IGDCC4: variants seen among roughly 807,000 people sequenced by gnomAD.
The protein encoded by IGDCC4 is immunoglobulin superfamily DCC subclass member 4.
IGDCC4 carries 72 observed loss-of-function variants against 116.6 expected under a neutral mutation model. The ratio of observed to expected loss-of-function variants is 0.62; its 90% CI spans 0.51 to 0.75. The LOEUF (loss-of-function observed/expected upper bound fraction) is 0.75, where lower values mean the gene tolerates loss of function less well. Ranked by LOEUF, IGDCC4 falls within the 30% of genes least tolerant of loss-of-function variation. IGDCC4 has a pLI of 0.00. For synonymous variants in IGDCC4, 709 were observed against 719.9 expected (o/e 0.98, Z 0.24); for missense variants, 1,501 against 1,662.4 (o/e 0.90, Z 1.69).
At chr15:65,421,587 G>A (rs931585734) in intron 1 of IGDCC4, among the ~76,000 whole-genome samples, 5 of 152,178 alleles carry the variant, frequency 3.3e-5, no homozygotes, top group African/African-American at 1.2e-4. Flanking sequence ...GGGCTGGCCA[G>A]GCGGAGGCTC....
Position 65,415,843 on chromosome 15 carries a change from T to C in IGDCC4, c.71-4473A>G, listed in dbSNP as rs568626523. On this transcript the variant is annotated intron_variant, in intron 1 of 19. Coordinates refer to ENST00000352385, the MANE Select transcript of IGDCC4 (RefSeq NM_020962.3). ...GCCCTTCTGTGAGGCTGCTCCTACCTTCCCCAGGTAAAGTTTTTCCTAAGT... is the reference window on the plus strand; with the variant it reads ...GCCCTTCTGTGAGGCTGCTCCTACCCTCCCCAGGTAAAGTTTTTCCTAAGT... Among the ~76,000 whole-genome samples, 3 of 152,242 alleles carry C rather than the reference T, an allele frequency of 2.0e-5. No homozygotes were observed. The East Asian group carries it at 5.8e-4, about 29-fold the overall frequency.
Position 65,384,217 on chromosome 15 carries a change from C to G in IGDCC4, c.3545G>C (p.Arg1182Thr). 1 of 1,604,080 alleles carries G rather than the reference C, an allele frequency of 6.2e-7. No individual in the cohort carries two copies. Among genetic ancestry groups the G allele is most frequent in the Non-Finnish European group, 8.5e-7 (1 of 1,172,772 alleles). Residue 1182 changes from arginine to threonine, a missense_variant, in exon 20 of 20, where the codon AGG becomes ACG. Arg to Thr is a moderately conservative substitution (Grantham distance 71). Transcript: ENST00000352385. This position sits in a 1 kb window ranked among gnomAD's most constrained non-coding sequence, Gnocchi z 4.9. ...TGCCAGCTCACACCCTCCCAACTCC[C>G]TGTCCAGCCAGGCTGCCCCCTGCCC... ...DPGQGAAWLDRELGGCELAAP... is the reference protein window; with the variant it reads ...DPGQGAAWLDTELGGCELAAP...
chr15:65,395,885 C>G lies in IGDCC4; in HGVS notation c.1276G>C (p.Glu426Gln), dbSNP rs747101966. The G allele has an allele frequency of 1.9e-6, 3 of 1,588,394 alleles. No homozygotes were observed. In the South Asian group the frequency reaches 3.4e-5, roughly 18 times the overall value. The change falls in exon 7 of 20, where the codon GAG becomes CAG. Residue 426 changes from glutamate to glutamine, a missense_variant. Glu to Gln is a conservative substitution (Grantham distance 29, BLOSUM62 2). Around this residue, in one of 3 missense-constraint regions of IGDCC4, gnomAD observed 898 missense variants for 978.9 expected, o/e 0.92. Coordinates refer to ENST00000352385, the MANE Select transcript of IGDCC4 (RefSeq NM_020962.3). ...AAASLAVVVR[E>Q]GLPSAPTRVT... ...CGCGTGGGGGCGCTGGGCAGCCCCT[C>G]GCGCACCACCACGGCCAGCGACGCG...
chr15:65,389,065 G>C, intron 14 of IGDCC4, 87 bp from the exon 15 acceptor site: 2 of 1,105,204 alleles, frequency 1.8e-6, no homozygotes, highest in Non-Finnish European at 2.5e-6. Context: ...CTCCTTCATG[G>C]AACAAGCCAC....
chr15:65,391,866 C>A lies in IGDCC4; in HGVS notation c.2224+14G>T. 6.2e-7 allele frequency: 1 copy of A among 1,610,580 alleles called. No homozygotes were observed. Among genetic ancestry groups the A allele is most frequent in the Non-Finnish European group, 8.5e-7 (1 of 1,177,990 alleles). ...ACCTGAGCCCTCCCCGCCTTCTTCC[C>A]CCACCGCCCTCACCTGGTGCCGGCG... On this transcript the variant is annotated intron_variant, in intron 12 of 19. Coordinates refer to ENST00000352385, the MANE Select transcript of IGDCC4 (RefSeq NM_020962.3).
rs1283334293 is a variant in IGDCC4, at chr15:65,393,432, G to T, written c.1814C>A (p.Thr605Lys). The T allele has an allele frequency of 6.2e-7, 1 of 1,613,704 alleles. No homozygotes were observed. The highest frequency in any genetic ancestry group is 1.3e-5 in the African/African-American group (1 of 74,914). ...KVYRVRISAGTAAGFGAPSQW... is the reference protein window; with the variant it reads ...KVYRVRISAGKAAGFGAPSQW... ...GGAGGGGGCCCCGAAGCCGGCTGCT[G>T]TACCAGCCGAAATCCGTACTCGATA... Residue 605 changes from threonine (T) to lysine (K), a missense_variant, in exon 10 of 20, where the codon ACA (threonine) becomes AAA (lysine). Physicochemically the swap from Thr to Lys is moderately conservative, Grantham distance 78 (BLOSUM62 -1). This residue lies in a region of IGDCC4 where 898 missense variants were observed against 978.9 expected (regional missense o/e 0.92). Coordinates refer to ENST00000352385, the MANE Select transcript of IGDCC4 (RefSeq NM_020962.3). This position sits in a 1 kb window ranked among gnomAD's most constrained non-coding sequence, Gnocchi z 4.6.
rs750210994 is a variant in IGDCC4, at chr15:65,384,998, C to T, written c.3298G>A (p.Gly1100Arg). ...AGAGCCTGCAGCAACAGCGTCTGCC[C>T]AGTTCCAGCAGGGGGCAGCAGGGCC... is the stretch of plus-strand genomic sequence containing the variant. ...TRALLPPAGTGQTLLLQALVY... is the reference protein window; with the variant it reads ...TRALLPPAGTRQTLLLQALVY... Residue 1100 changes from glycine to arginine, a missense_variant, in exon 19 of 20, where the codon GGG (glycine) becomes AGG (arginine). Transcript: ENST00000352385. The surrounding 1 kb of genome is among the most constrained non-coding windows in gnomAD (Gnocchi z 4.9). 2.8e-5 allele frequency: 45 copies of T among 1,610,948 alleles called. No individual in the cohort carries two copies. Among genetic ancestry groups the T allele is most frequent in the Non-Finnish European group, 3.6e-5 (43 of 1,178,938 alleles).
chr15:65,411,014 A>G lies in IGDCC4; in HGVS notation c.421+6T>C. On this transcript the variant is annotated splice_donor_region_variant and intron_variant, in intron 2 of 19. Coordinates refer to ENST00000352385, the MANE Select transcript of IGDCC4 (RefSeq NM_020962.3). ...CCTCAGACCCCCGCCCGATGCAAGC[A>G]CTTACTGGCAAGCTTGACGACAGCA... The G allele has an allele frequency of 6.2e-7, 1 of 1,601,336 alleles. No homozygotes were observed. Among genetic ancestry groups the G allele is most frequent in the Non-Finnish European group, 8.5e-7 (1 of 1,171,582 alleles).
At chr15:65,391,790 TCA>T in intron 12 of IGDCC4, 88 bp downstream of exon 12, 1 of 1,175,002 alleles carries the variant, frequency 8.5e-7, no homozygotes. Flanking sequence ...AAGTACCTGC[TCA>T]CCAGGCTGGC....
Position 65,388,589 on chromosome 15 carries a change from G to A in IGDCC4, c.2708-3C>T. ...GACCTCAGCACTGAAGATGTTTCCT[G>A]GGGGTGAGGGAGGCAGGGAGAGCAG... On this transcript the variant is annotated splice_region_variant and splice_polypyrimidine_tract_variant and intron_variant, in intron 15 of 19. Coordinates refer to ENST00000352385, the MANE Select transcript of IGDCC4 (RefSeq NM_020962.3). 1 of 1,614,004 alleles carries A rather than the reference G, an allele frequency of 6.2e-7. No individual in the cohort carries two copies.
intron 3 of IGDCC4, 58 bp from the exon 4 acceptor site, chr15:65,402,545 G>A (rs2062998787): frequency 1.3e-6 from 2 of 1,540,854 alleles, no homozygotes; most frequent in Non-Finnish European, 1.8e-6. Context: ...AGGGAGGGTG[G>A]CTCATGGTAA....
intron 18 of IGDCC4, 89 bp from the exon 19 acceptor site, chr15:65,385,204 CG>C: frequency 7.3e-7 from 1 of 1,363,066 alleles, no homozygotes. Context: ...GGATGGGCCG[CG>C]GGGGAGCAGG....
Position 65,395,196 on chromosome 15 carries a change from C to T in IGDCC4, c.1474G>A (p.Asp492Asn), listed in dbSNP as rs994683223. 2 of 1,613,814 alleles carry T rather than the reference C, an allele frequency of 1.2e-6. No individual in the cohort carries two copies. The highest frequency in any genetic ancestry group is 1.7e-6 in the Non-Finnish European group (2 of 1,179,952). Residue 492 changes from aspartate to asparagine, a missense_variant, in exon 8 of 20, where the codon GAC (aspartate) becomes AAC (asparagine). Coordinates refer to ENST00000352385, the MANE Select transcript of IGDCC4 (RefSeq NM_020962.3). ...NNDTTELQVR[D>N]LEPNTDYEFY... is the part of the protein sequence containing the mutation. ...TCATAATCTGTGTTGGGTTCCAGGT[C>T]CCGAACCTGTAGTTCTGTGGTGTCG...
At position 65,384,290 on chromosome 15, in the gene IGDCC4, G is replaced by C; in HGVS notation, c.3472C>G (p.Pro1158Ala). 1 of 1,607,864 alleles carries C rather than the reference G, an allele frequency of 6.2e-7. No homozygotes were observed. Among genetic ancestry groups the C allele is most frequent in the Non-Finnish European group, 8.5e-7 (1 of 1,176,776 alleles). Residue 1158 changes from proline to alanine, a missense_variant, in exon 20 of 20, where the codon CCC (proline) becomes GCC (alanine). Pro to Ala is a conservative substitution (Grantham distance 27, BLOSUM62 -1). Coordinates refer to ENST00000352385, the MANE Select transcript of IGDCC4 (RefSeq NM_020962.3). This position sits in a 1 kb window ranked among gnomAD's most constrained non-coding sequence, Gnocchi z 4.9. ...LHLQDLEPED[P>A]LPPEAPDLIS... ...AGATCAGGAGCCTCTGGAGGCAGGG[G>C]GTCCTCAGGCTCCAGGTCTTGGAGA...
At chr15:65,420,231 G>C (rs2063178233) in intron 1 of IGDCC4, among the ~76,000 whole-genome samples, 2 of 152,208 alleles carry the variant, frequency 1.3e-5, no homozygotes, top group South Asian at 4.1e-4. Flanking sequence ...ACAGGCGTGA[G>C]CCACCGCACC....
At chr15:65,398,457 C>G (rs567686970) in intron 5 of IGDCC4, among the ~76,000 whole-genome samples, 1 of 146,344 alleles carries the variant, frequency 6.8e-6, no homozygotes. Context: ...TCACTTGAAC[C>G]CAGGAGGCGA....
chr15:65,395,071 C>A (rs566557480), intron 8 of IGDCC4, 23 bp downstream of exon 8: 1 of 1,586,124 alleles, frequency 6.3e-7, no homozygotes, highest in Admixed American at 1.7e-5. Context: ...CCAAGCTGCC[C>A]ACTGCGAGTT....
intron 5 of IGDCC4, among the ~76,000 whole-genome samples, chr15:65,397,250 A>G (rs2062937222): frequency 6.6e-6 from 1 of 152,154 alleles, no homozygotes; most frequent in African/African-American, 2.4e-5. Flanking sequence ...TATATTAATC[A>G]TAGGTGCTCA....
intron 1 of IGDCC4, among the ~76,000 whole-genome samples, chr15:65,419,223 CTTT>C (rs541482808): frequency 7.9e-6 from 1 of 126,454 alleles, no homozygotes; most frequent in South Asian, 2.6e-4. Context: ...GACCGCCATG[CTTT>C]TTTTTTTTTT....
Sources: allele counts gnomAD v4.1 joint callset (sites outside exome capture counted in the v4.1 genomes callset), GRCh38; gene constraint gnomAD v4.1.1; regional missense constraint gnomAD v4.1.1; non-coding constraint Gnocchi (gnomAD v3.1); transcripts MANE v1.5; gene names NCBI Gene and HGNC (gene_info 2026-07-23, HGNC 2026-07-21).